The following PDHA1 variants were observed in gnomAD, a reference collection of about 807,000 sequenced individuals.
The protein encoded by PDHA1 is pyruvate dehydrogenase E1 subunit alpha 1, also known as pyruvate dehydrogenase E1 component subunit alpha, somatic form, mitochondrial.
PDHA1 carries 1 observed loss-of-function variant against 33.0 expected under a neutral mutation model. That is an observed-to-expected ratio of 0.03 (90% CI 0.01 to 0.14). The LOEUF (loss-of-function observed/expected upper bound fraction) is 0.14. Among genes scored for constraint, PDHA1 ranks in the 10% least tolerant of loss-of-function variants. The probability of loss-of-function intolerance (pLI) is 1.00; values close to 1 mark genes in which losing one functional copy is unlikely to be tolerated. For missense variants in PDHA1, 168 were observed against 325.1 expected (o/e 0.52, Z 3.72); for synonymous variants, 123 against 119.2 (o/e 1.03, Z -0.21).
chrX:19,355,648 T>C (rs1449487657), intron 7 of PDHA1, 38 bp from the exon 8 acceptor site: 1 of 1,156,748 alleles, frequency 8.6e-7, no homozygotes, highest in Admixed American at 2.2e-5. Context: ...TTTGGGGCAG[T>C]TGGATTCATG....
intron 8 of PDHA1, among the ~76,000 whole-genome samples, chrX:19,357,104 A>G (rs2063206986): frequency 8.9e-6 from 1 of 112,326 alleles, no homozygotes; most frequent in African/African-American, 3.2e-5. Context: ...TGTCTAGCCA[A>G]TAGCAGGAGG....
chrX:19,357,335 C>A (rs6527918), intron 8 of PDHA1: 38,016 of 297,931 alleles, frequency 0.13, 6,205 homozygotes, highest in African/African-American at 0.65. Context: ...GGCGCAAGTG[C>A]TCTGCCCACC....
At chrX:19,352,225 CTT>C (rs1237519823) in intron 4 of PDHA1, among the ~76,000 whole-genome samples, 14,034 of 85,988 alleles carry the variant, frequency 0.16, 2,754 homozygotes, top group African/African-American at 0.53. Flanking sequence ...CCTCCTCCTC[CTT>C]TTTTTTTTTT....
intron 1 of PDHA1, among the ~76,000 whole-genome samples, chrX:19,345,559 A>G (rs1421697146): frequency 1.1e-5 from 1 of 92,908 alleles, no homozygotes; most frequent in Non-Finnish European, 2.1e-5. Context: ...GACAAGAGCA[A>G]GACTCCGTAT....
At chrX:19,344,128 G>C in intron 1 of PDHA1, 34 bp downstream of exon 1, 1 of 1,138,945 alleles carries the variant, frequency 8.8e-7, no homozygotes, top group Middle Eastern at 3.4e-4. Context: ...GATGGGGCGC[G>C]AGTGGGGCTG....
chrX:19,358,838 A>C, intron 9 of PDHA1, 78 bp from the exon 10 acceptor site: 2 of 594,694 alleles, frequency 3.4e-6, no homozygotes, highest in East Asian at 6.5e-5. Flanking sequence ...ATCCAACCCC[A>C]TATCATGTTT....
chrX:19,345,122 A>AC (rs374315241), intron 1 of PDHA1, among the ~76,000 whole-genome samples: 3,924 of 109,851 alleles, frequency 0.036, 168 homozygotes, highest in African/African-American at 0.11. Flanking sequence ...TAGCATTCTG[A>AC]CCCCCCTAGG....
chrX:19,351,464 T>C, intron 4 of PDHA1, 57 bp downstream of exon 4: 1 of 1,004,168 alleles, frequency 1.0e-6, no homozygotes, highest in Non-Finnish European at 1.4e-6. Context: ...TAAATATCTG[T>C]CATTAAGATG....
At chrX:19,359,375 T>TG (rs1236022461) in intron 10 of PDHA1, 114 bp from the exon 11 acceptor site, 3 of 597,814 alleles carry the variant, frequency 5.0e-6, no homozygotes, top group African/African-American at 4.5e-5. Flanking sequence ...AATTAGCAAC[T>TG]GTTCGTACTT....
Position 19,357,439 on chromosome X carries a change from T to C in PDHA1, c.832-213T>C, listed in dbSNP as rs141961713. 2.2e-3 allele frequency: 1,010 copies of C among 450,055 alleles called. 13 individuals are homozygous for C. The East Asian group carries it at 0.032, about 14-fold the overall frequency. The allele number at this position is 450,055 out of a possible 1,213,427, so 37.1% of individuals were successfully genotyped here. On this transcript the variant is annotated intron_variant, in intron 8 of 10. Transcript: ENST00000422285. ...CAAAACAAGCTGTTGGCAGATTGCC[T>C]TATTAAAAATGAGAAAGATGAAATA... is the stretch of plus-strand genomic sequence containing the variant.
In PDHA1 at chrX:19,354,486, G is replaced by A. The variant is rs2063182597; in HGVS notation, c.511-5G>A. 8.7e-7 allele frequency: 1 copy of A among 1,149,054 alleles called. No homozygotes were observed. The highest frequency in any genetic ancestry group is 1.2e-6 in the Non-Finnish European group (1 of 838,451). 94.7% of individuals were successfully genotyped at this position (1,149,054 alleles called of 1,213,427 possible). A position where few individuals can be genotyped will look rare whatever the true frequency, so the allele number is the denominator to read the frequency against. On this transcript the variant is annotated splice_polypyrimidine_tract_variant and splice_region_variant and intron_variant, in intron 5 of 10. Transcript: ENST00000422285. ...GGTTCCTTTCTCGGTTGTCCTTAAT[G>A]TTAGGTGCCCCTGGGCGCTGGGATT...
At chrX:19,351,597 C>T (rs2063163111) in intron 4 of PDHA1, 190 bp downstream of exon 4, 2 of 418,417 alleles carry the variant, frequency 4.8e-6, no homozygotes, top group African/African-American at 5.1e-5. Context: ...TCTCTGGCCC[C>T]TCAGGTAAAA....
rs754071958 is a variant in PDHA1 at position 19,357,734 on chromosome X, A to G, written c.899+15A>G. 5.1e-6 allele frequency: 6 copies of G among 1,179,723 alleles called. No homozygotes were observed. The East Asian group carries it at 1.5e-4, about 29-fold the overall frequency. On this transcript the variant is annotated intron_variant, in intron 9 of 10. Coordinates refer to ENST00000422285, the MANE Select transcript of PDHA1 (RefSeq NM_000284.4). Reference sequence around the variant, plus strand: ...CCTGGAGTCAGGTACGCTCATGGGCAGTGTGGTTTCCATAGGGGTGGGCTT... The same window carrying G: ...CCTGGAGTCAGGTACGCTCATGGGCGGTGTGGTTTCCATAGGGGTGGGCTT...
chrX:19,352,864 G>C (rs113618111), intron 4 of PDHA1: 3 of 447,165 alleles, frequency 6.7e-6, no homozygotes, highest in African/African-American at 4.9e-5. Flanking sequence ...AGGAAACTAA[G>C]TGACTAGAGA....
intron 4 of PDHA1, among the ~76,000 whole-genome samples, chrX:19,351,795 GTTTTTTT>G (rs780357581): frequency 1.3e-5 from 1 of 74,388 alleles, no homozygotes; most frequent in Non-Finnish European, 2.4e-5. Context: ...TGTTTTGGTG[GTTTTTTT>G]TTTTTTTTTT....
At chrX:19,347,484 C>T (rs761940251) in intron 1 of PDHA1, among the ~76,000 whole-genome samples, 8 of 112,680 alleles carry the variant, frequency 7.1e-5, no homozygotes, top group Admixed American at 4.7e-4. Flanking sequence ...TCTTTGCAGG[C>T]GCAAGATTAC....
At chrX:19,357,948 AAG>A (rs1444165378) in intron 9 of PDHA1, among the ~76,000 whole-genome samples, 3 of 112,338 alleles carry the variant, frequency 2.7e-5, no homozygotes, top group African/African-American at 9.7e-5. Context: ...TTTTTAAAGA[AAG>A]AGTGTTATAT....
chrX:19,355,308 G>A (rs2063188326), intron 6 of PDHA1, 41 bp from the exon 7 acceptor site: 2 of 1,198,376 alleles, frequency 1.7e-6, no homozygotes, highest in Non-Finnish European at 2.3e-6. Flanking sequence ...GAAGCCTGGA[G>A]AAAGAAGCCA....
chrX:19,346,766 A>C, intron 1 of PDHA1: 1 of 363,580 alleles, frequency 2.8e-6, no homozygotes, highest in Non-Finnish European at 4.3e-6. Flanking sequence ...TCATGGAAGA[A>C]GATTGAATGC....
Sources: allele counts gnomAD v4.1 joint callset (sites outside exome capture counted in the v4.1 genomes callset), GRCh38; gene constraint gnomAD v4.1.1; transcripts MANE v1.5; gene names NCBI Gene and HGNC (gene_info 2026-07-23, HGNC 2026-07-21).